The following CIB1 variants were observed in gnomAD, a reference collection of about 807,000 sequenced individuals.
CIB1 encodes the protein calcium and integrin-binding protein 1.
In CIB1, 19 loss-of-function variants were observed where a neutral mutation model predicts 25.0. The observed-to-expected ratio is 0.76, with a 90% CI of 0.53 to 1.12. The LOEUF (loss-of-function observed/expected upper bound fraction) is 1.12, where lower values mean the gene tolerates loss of function less well. CIB1 is among the 50% of genes most tolerant of loss of function. The pLI, the probability that CIB1 is intolerant of heterozygous loss-of-function variation, is 0.00. For missense variants in CIB1, 236 were observed against 242.6 expected (o/e 0.97, Z 0.18); for synonymous variants, 104 against 98.5 (o/e 1.06, Z -0.33).
At chr15:90,235,843 C>G (rs6496647), upstream of CIB1, among the ~76,000 whole-genome samples, 32,366 of 152,000 alleles carry the variant, frequency 0.21, 4,038 homozygotes, top group South Asian at 0.35. Context: ...GCTGGGATTA[C>G]AGGCGTGACC....
the CIB1 span, chr15:90,263,059 C>G: frequency 6.5e-7 from 1 of 1,536,130 alleles, no homozygotes; most frequent in Non-Finnish European, 8.7e-7. Context: ...AAGGGAGACT[C>G]TCATCCGAAG....
the CIB1 span, among the ~76,000 whole-genome samples, chr15:90,239,780 C>T: frequency 6.6e-6 from 1 of 152,194 alleles, no homozygotes; most frequent in African/African-American, 2.4e-5. Context: ...GCGATCTCGG[C>T]AGTGCCTGGT....
At chr15:90,263,026 G>C in the CIB1 span, 2 of 1,536,144 alleles carry the variant, frequency 1.3e-6, no homozygotes, top group Non-Finnish European at 1.7e-6. Context: ...GGAGGAGCTG[G>C]AGCGGATGAA....
chr15:90,250,603 AC>A, the CIB1 span: 1 of 1,602,478 alleles, frequency 6.2e-7, no homozygotes, highest in East Asian at 2.2e-5. Flanking sequence ...CTTCATTCCC[AC>A]CCCGCAACCC....
At chr15:90,253,123 G>GC in the CIB1 span, 2 of 610,880 alleles carry the variant, frequency 3.3e-6, no homozygotes, top group Non-Finnish European at 2.9e-6. Flanking sequence ...CAGGGCTGAG[G>GC]CAAGAACTAC....
chr15:90,232,179 G>T, intron 3 of CIB1, 40 bp downstream of exon 3: 1 of 1,492,502 alleles, frequency 6.7e-7, no homozygotes, highest in Non-Finnish European at 9.3e-7. Context: ...AGCAGGGAGG[G>T]AGTGGTGGGA....
chr15:90,265,612 G>A, the CIB1 span: 1 of 1,472,746 alleles, frequency 6.8e-7, no homozygotes, highest in Non-Finnish European at 9.3e-7. Flanking sequence ...GAAATAACTT[G>A]CTACTACCCA....
Position 90,230,356 on chromosome 15 carries a change from G to A in CIB1, c.*128C>T. The stretch of plus-strand genomic sequence containing the variant: ...CGAGGGCCGCCCCTGCCCGGGGTGA[G>A]GCTGCACAGCGCCAGCTCCAGGCTG... On this transcript the variant is annotated 3_prime_UTR_variant, in exon 7 of 7. Transcript: ENST00000328649. The A allele has an allele frequency of 1.8e-6, 2 of 1,119,216 alleles. No homozygotes were observed. Among genetic ancestry groups the A allele is most frequent in the African/African-American group, 1.6e-5 (1 of 64,198 alleles). 69.3% of individuals were successfully genotyped at this position (1,119,216 alleles called of 1,614,324 possible). A position where few individuals can be genotyped will look rare whatever the true frequency, so the allele number is the denominator to read the frequency against.
At chr15:90,233,951 C>T (rs1371426455), upstream of CIB1, 2 of 1,430,310 alleles carry the variant, frequency 1.4e-6, no homozygotes, top group Non-Finnish European at 1.8e-6. Flanking sequence ...CACTTCCGCC[C>T]TTGGGCCGCG....
chr15:90,258,501 C>T, the CIB1 span: 1 of 615,892 alleles, frequency 1.6e-6, no homozygotes, highest in Non-Finnish European at 2.8e-6. Flanking sequence ...ATCCCCAGTG[C>T]CCTAATGTAA....
At chr15:90,260,660 G>T in the CIB1 span, among the ~76,000 whole-genome samples, 3 of 152,010 alleles carry the variant, frequency 2.0e-5, no homozygotes, top group Non-Finnish European at 4.4e-5. Flanking sequence ...AGACCATCCT[G>T]GCCAACATGG....
chr15:90,239,328 T>TGA, the CIB1 span, among the ~76,000 whole-genome samples: 1 of 151,936 alleles, frequency 6.6e-6, no homozygotes, highest in South Asian at 2.1e-4. Flanking sequence ...TGTGTGTGTG[T>TGA]GTGTGTGTGT....
At chr15:90,246,638 A>G in the CIB1 span, among the ~76,000 whole-genome samples, 1 of 151,498 alleles carries the variant, frequency 6.6e-6, no homozygotes, top group East Asian at 2.0e-4. Flanking sequence ...AAATACAAAA[A>G]TTAGCCCCGT....
intron 3 of CIB1, among the ~76,000 whole-genome samples, chr15:90,231,863 C>T (rs905343157): frequency 1.1e-4 from 16 of 152,258 alleles, no homozygotes; most frequent in African/African-American, 3.9e-4. Flanking sequence ...GTGTTACAGG[C>T]ACCGGGCCAG....
the CIB1 span, chr15:90,265,221 T>C: frequency 1.5e-6 from 2 of 1,342,708 alleles, no homozygotes; most frequent in South Asian, 3.3e-5. Context: ...TCATCAAGCC[T>C]TAGCCTGGGT....
chr15:90,251,445 T>C, the CIB1 span: 2 of 1,178,986 alleles, frequency 1.7e-6, no homozygotes, highest in Non-Finnish European at 2.5e-6. Context: ...GTCTTTTAAG[T>C]GGCTTCTAGA....
chr15:90,235,090 GCTCT>G (rs1962604016), upstream of CIB1, among the ~76,000 whole-genome samples: 1 of 151,984 alleles, frequency 6.6e-6, no homozygotes, highest in Non-Finnish European at 1.5e-5. Flanking sequence ...CCTCCTATTG[GCTCT>G]CTGTCTTTCA....
the CIB1 span, chr15:90,264,058 C>T: frequency 1.0e-5 from 16 of 1,525,190 alleles, no homozygotes; most frequent in South Asian, 7.2e-5. Flanking sequence ...GCTCACTAGC[C>T]GTAAGTATGC....
the CIB1 span, among the ~76,000 whole-genome samples, chr15:90,256,642 T>C: frequency 7.6e-3 from 794 of 103,826 alleles, 9 homozygotes; most frequent in African/African-American, 0.035. Context: ...TCCTTCCTTC[T>C]TTCTTTCTCC....
Sources: gnomAD v4.1 joint callset for allele counts (sites outside exome capture counted in the v4.1 genomes callset) on GRCh38, gnomAD v4.1.1 for gene constraint, MANE v1.5 for transcripts, NCBI Gene and HGNC (gene_info 2026-07-23, HGNC 2026-07-21) for gene names.